The following OR9Q1 variants were observed in gnomAD, a reference collection of about 807,000 sequenced individuals.
OR9Q1 encodes olfactory receptor 9Q1.
For synonymous variants in OR9Q1, 153 were observed against 148.6 expected (o/e 1.03, Z -0.22); for missense variants, 374 against 378.8 (o/e 0.99, Z 0.11).
intron 2 of OR9Q1, among the ~76,000 whole-genome samples, chr11:58,169,104 T>C (rs1404956261): frequency 6.6e-6 from 1 of 152,202 alleles, no homozygotes; most frequent in Non-Finnish European, 1.5e-5. Flanking sequence ...AATAATTTTC[T>C]CTGATTTTTA....
intron 2 of OR9Q1, among the ~76,000 whole-genome samples, chr11:58,132,401 C>T (rs917833185): frequency 2.6e-5 from 4 of 152,202 alleles, no homozygotes; most frequent in Admixed American, 6.5e-5. Context: ...GTGGTTACTT[C>T]ACCTTTCTGA....
chr11:58,027,590 C>T (rs910006588), intron 1 of OR9Q1, among the ~76,000 whole-genome samples: 1 of 152,044 alleles, frequency 6.6e-6, no homozygotes, highest in Non-Finnish European at 1.5e-5. Flanking sequence ...AATCCCTGCT[C>T]CAGGAAGAAG....
At chr11:58,034,287 C>T (rs1024430794) in intron 1 of OR9Q1, among the ~76,000 whole-genome samples, 3 of 151,680 alleles carry the variant, frequency 2.0e-5, no homozygotes, top group Admixed American at 6.6e-5. Flanking sequence ...TGAGGCTTCA[C>T]CGTATTAGCC....
intron 1 of OR9Q1, among the ~76,000 whole-genome samples, chr11:58,037,692 T>TATATATATAG (rs1565056527): frequency 1.7e-4 from 1 of 5,834 alleles, no homozygotes; most frequent in African/African-American, 7.9e-4. Flanking sequence ...TATATATATT[T>TATATATATAG]TTTTTTTTTT....
chr11:58,127,183 C>T (rs572730866), intron 2 of OR9Q1, among the ~76,000 whole-genome samples: 17 of 152,240 alleles, frequency 1.1e-4, no homozygotes, highest in East Asian at 1.9e-4. Context: ...TTCCTGACCT[C>T]GAGTGATCTG....
At chr11:58,042,978 A>C (rs995670552) in intron 1 of OR9Q1, among the ~76,000 whole-genome samples, 2 of 152,128 alleles carry the variant, frequency 1.3e-5, no homozygotes, top group African/African-American at 4.8e-5. Context: ...AATGCTTGTG[A>C]TTTTTGTACA....
chr11:58,041,199 C>G (rs776100182), intron 1 of OR9Q1: 1 of 152,710 alleles, frequency 6.5e-6, no homozygotes, highest in Non-Finnish European at 1.5e-5. Flanking sequence ...ACCCAGAGTG[C>G]ACACAAGGCT....
chr11:58,034,771 T>TTCCTTCCTTCCTTCCTTCCTTCC (rs1565055149), intron 1 of OR9Q1, among the ~76,000 whole-genome samples: 2 of 94,470 alleles, frequency 2.1e-5, no homozygotes, highest in Non-Finnish European at 2.2e-5. Flanking sequence ...TCCTTCCTTC[T>TTCCTTCCTTCCTTCCTTCCTTCC]TCCTTCCCTC....
intron 2 of OR9Q1, among the ~76,000 whole-genome samples, chr11:58,107,037 A>C (rs546393257): frequency 3.3e-5 from 5 of 152,246 alleles, no homozygotes; most frequent in East Asian, 1.9e-4. Context: ...AATAGCATTA[A>C]ATTTGTAGAT....
In OR9Q1 at chr11:58,070,192, G is replaced by A. The variant is rs112683524; in HGVS notation, c.-15+14245G>A. 3.1e-3 allele frequency among the ~76,000 whole-genome samples: 450 copies of A among 147,286 alleles called. 1 individual carries two copies. Among genetic ancestry groups the A allele is most frequent in the African/African-American group, 0.011 (420 of 39,968 alleles). ...AATTTTTGTATTTTTTTTTTTTTTA[G>A]TGGTGATGGGTGGGGGTTTCACCAT... On this transcript the variant is annotated intron_variant, in intron 2 of 2. Transcript: ENST00000335397.
At chr11:58,161,723 G>A (rs191307905) in intron 2 of OR9Q1, among the ~76,000 whole-genome samples, 30 of 152,102 alleles carry the variant, frequency 2.0e-4, no homozygotes, top group Middle Eastern at 3.4e-3. Flanking sequence ...GTAGAGATGG[G>A]GTTTCGCTCT....
At chr11:58,134,333 C>T (rs1041744449) in intron 2 of OR9Q1, among the ~76,000 whole-genome samples, 2 of 152,202 alleles carry the variant, frequency 1.3e-5, no homozygotes, top group Non-Finnish European at 2.9e-5. Context: ...ATGGCAGAGA[C>T]AGCGCCTCAC....
At chr11:58,050,339 C>A (rs1393859762) in intron 1 of OR9Q1, among the ~76,000 whole-genome samples, 16 of 144,384 alleles carry the variant, frequency 1.1e-4, no homozygotes, top group East Asian at 8.2e-4. Context: ...GAAAAACAAG[C>A]AATGGGGAAA....
chr11:58,102,262 T>TGTA (rs1853791631), intron 2 of OR9Q1, among the ~76,000 whole-genome samples: 1 of 1,626 alleles, frequency 6.2e-4, no homozygotes, highest in African/African-American at 2.3e-3. Context: ...TATACCCTTT[T>TGTA]TACCCTTTTT....
chr11:58,115,324 T>C (rs1368625567), intron 2 of OR9Q1, among the ~76,000 whole-genome samples: 2 of 152,176 alleles, frequency 1.3e-5, no homozygotes, highest in Non-Finnish European at 2.9e-5. Context: ...ATTTCTCAGA[T>C]CTAAAGCAAA....
chr11:58,100,574 A>T (rs779899377), intron 2 of OR9Q1, among the ~76,000 whole-genome samples: 10 of 152,100 alleles, frequency 6.6e-5, no homozygotes, highest in African/African-American at 1.2e-4. Context: ...CTTCCTATAG[A>T]TAAAAGTGTT....
intron 2 of OR9Q1, among the ~76,000 whole-genome samples, chr11:58,114,463 C>T (rs1047041779): frequency 1.3e-5 from 2 of 152,140 alleles, no homozygotes; most frequent in African/African-American, 2.4e-5. Context: ...ATGAGTATGA[C>T]AGGGCTTCCA....
chr11:58,129,012 A>G, intron 2 of OR9Q1, among the ~76,000 whole-genome samples: 1 of 152,176 alleles, frequency 6.6e-6, no homozygotes, highest in Non-Finnish European at 1.5e-5. Flanking sequence ...TAGCTAGGTT[A>G]TCCTTGGTTA....
chr11:58,034,813 C>CCTTCCTTCCTTCCTTCCTTCCTTG (rs1317112759), intron 1 of OR9Q1, among the ~76,000 whole-genome samples: 1 of 144,844 alleles, frequency 6.9e-6, no homozygotes, highest in African/African-American at 2.5e-5. Context: ...TTCCTTCCTT[C>CCTTCCTTCCTTCCTTCCTTCCTTG]CTTCCTTCCT....
Sources: allele counts gnomAD v4.1 joint callset (sites outside exome capture counted in the v4.1 genomes callset), GRCh38; gene constraint gnomAD v4.1.1; transcripts MANE v1.5; gene names NCBI Gene and HGNC (gene_info 2026-07-23, HGNC 2026-07-21).